Variants in ARHGAP10 observed in about 807,000 individuals in gnomAD.
ARHGAP10 encodes rho GTPase-activating protein 10.
Under a neutral mutation model 108.6 loss-of-function variants are expected in ARHGAP10, and 87 were observed. The observed-to-expected ratio is 0.80, with a 90% CI of 0.67 to 0.96. The LOEUF is 0.96. ARHGAP10 is among the 40% of genes least tolerant of loss of function. ARHGAP10 has a pLI of 0.00. For synonymous variants in ARHGAP10, 347 were observed against 341.1 expected (o/e 1.02, Z -0.19); for missense variants, 939 against 954.5 (o/e 0.98, Z 0.21).
chr4:148,031,071 C>A lies in ARHGAP10; in HGVS notation c.1867+7658C>A, dbSNP rs141324122. ...AAGACCCCATCTCCAACAACAACAACAAAAAAATGAATTTTGAGACTGGCA... is the reference window on the plus strand; with the variant it reads ...AAGACCCCATCTCCAACAACAACAAAAAAAAAATGAATTTTGAGACTGGCA... On this transcript the variant is annotated intron_variant, in intron 19 of 22. Coordinates refer to ENST00000336498, the MANE Select transcript of ARHGAP10 (RefSeq NM_024605.4). Among the ~76,000 whole-genome samples the A allele has an allele frequency of 2.2e-3, 341 of 151,912 alleles. 4 individuals are homozygous for A. Among genetic ancestry groups the A allele is most frequent in the African/African-American group, 7.0e-3 (290 of 41,404 alleles).
intron 22 of ARHGAP10, 59 bp from the exon 23 acceptor site, chr4:148,071,934 A>C: frequency 6.8e-7 from 1 of 1,460,316 alleles, no homozygotes; most frequent in Non-Finnish European, 9.5e-7. Context: ...TTAAGTGAAC[A>C]CCCAGGAGGC....
intron 10 of ARHGAP10, among the ~76,000 whole-genome samples, chr4:147,895,800 G>A (rs1017173164): frequency 3.9e-5 from 6 of 152,156 alleles, no homozygotes; most frequent in Non-Finnish European, 8.8e-5. Flanking sequence ...GGCAGAAGTG[G>A]TGTTATTGGC....
At chr4:147,785,618 A>G (rs1304864790) in intron 1 of ARHGAP10, among the ~76,000 whole-genome samples, 1 of 152,132 alleles carries the variant, frequency 6.6e-6, no homozygotes, top group Non-Finnish European at 1.5e-5. Flanking sequence ...CCCTCCCCCT[A>G]CAACATTATC....
intron 10 of ARHGAP10, among the ~76,000 whole-genome samples, chr4:147,892,902 C>T (rs1422590304): frequency 6.6e-6 from 1 of 152,144 alleles, no homozygotes; most frequent in Non-Finnish European, 1.5e-5. Flanking sequence ...GGGTAGAGGG[C>T]AGCTGTGCTG....
intron 1 of ARHGAP10, among the ~76,000 whole-genome samples, chr4:147,790,664 G>C (rs185081544): frequency 2.2e-4 from 34 of 152,280 alleles, no homozygotes; most frequent in African/African-American, 7.9e-4. Context: ...CTGAGCTAGA[G>C]TAGCCCACAT....
At chr4:147,768,771 C>T (rs1333226445) in intron 1 of ARHGAP10, among the ~76,000 whole-genome samples, 2 of 145,766 alleles carry the variant, frequency 1.4e-5, no homozygotes, top group Non-Finnish European at 3.0e-5. Context: ...GGGAATCTTG[C>T]TCTGTCACCC....
intron 18 of ARHGAP10, among the ~76,000 whole-genome samples, chr4:147,994,190 C>A (rs1714460564): frequency 6.6e-6 from 1 of 152,198 alleles, no homozygotes; most frequent in South Asian, 2.1e-4. Context: ...CATAGTGTTT[C>A]AGTCAACATT....
chr4:147,941,989 G>A lies in ARHGAP10; in HGVS notation c.1303+2090G>A, dbSNP rs149085816. Among the ~76,000 whole-genome samples, 564 of 152,194 alleles carry A rather than the reference G, an allele frequency of 3.7e-3. 2 individuals are homozygous for A. Among genetic ancestry groups the A allele is most frequent in the Middle Eastern group, 0.017 (5 of 294 alleles). Reference sequence around the variant, plus strand: ...ATTTAACGCCTCTTCCAAAAAAAGGGTTTTAGAGTTTTGAATAGTCATGTC... The same window carrying A: ...ATTTAACGCCTCTTCCAAAAAAAGGATTTTAGAGTTTTGAATAGTCATGTC... On this transcript the variant is annotated intron_variant, in intron 14 of 22. Coordinates refer to ENST00000336498, the MANE Select transcript of ARHGAP10 (RefSeq NM_024605.4).
intron 18 of ARHGAP10, among the ~76,000 whole-genome samples, chr4:148,008,816 G>A (rs1025249300): frequency 2.0e-5 from 3 of 152,024 alleles, no homozygotes; most frequent in African/African-American, 7.2e-5. Context: ...TTGTAGTGTG[G>A]TGTTTTCCAG....
intron 1 of ARHGAP10, among the ~76,000 whole-genome samples, chr4:147,736,736 CCTGGGGGAA>C: frequency 6.6e-6 from 1 of 152,282 alleles, no homozygotes; most frequent in East Asian, 1.9e-4. Context: ...AATAAAATCA[CCTGGGGGAA>C]CTGTTAAAGC....
At chr4:147,840,169 G>A (rs1411426325) in intron 3 of ARHGAP10, among the ~76,000 whole-genome samples, 2 of 151,966 alleles carry the variant, frequency 1.3e-5, no homozygotes, top group Non-Finnish European at 2.9e-5. Context: ...TATGTGGAGG[G>A]AGCTGGAGGT....
At chr4:147,967,651 G>GA (rs1346457928) in intron 18 of ARHGAP10, among the ~76,000 whole-genome samples, 1 of 152,176 alleles carries the variant, frequency 6.6e-6, no homozygotes, top group Non-Finnish European at 1.5e-5. Flanking sequence ...TTTTCTCCTT[G>GA]ATTAGATATT....
intron 3 of ARHGAP10, among the ~76,000 whole-genome samples, chr4:147,824,339 G>A (rs1732620005): frequency 6.6e-6 from 1 of 151,536 alleles, no homozygotes; most frequent in Admixed American, 6.6e-5. Context: ...AAAAAATACG[G>A]ATTCTTTTTT....
intron 19 of ARHGAP10, among the ~76,000 whole-genome samples, chr4:148,028,708 A>G (rs927385085): frequency 6.6e-6 from 1 of 152,226 alleles, no homozygotes; most frequent in Non-Finnish European, 1.5e-5. Context: ...TGCCAGTAGA[A>G]ATCTGAAAGG....
intron 20 of ARHGAP10, among the ~76,000 whole-genome samples, chr4:148,062,204 C>T (rs1560899173): frequency 6.6e-6 from 1 of 152,134 alleles, no homozygotes; most frequent in Non-Finnish European, 1.5e-5. Context: ...AGGATTGCAC[C>T]TAGGGGCTGG....
intron 18 of ARHGAP10, among the ~76,000 whole-genome samples, chr4:147,984,296 C>G (rs187149059): frequency 2.5e-4 from 38 of 152,318 alleles, no homozygotes; most frequent in African/African-American, 8.7e-4. Context: ...GGAGAAGCCC[C>G]AGGAAGCAGT....
chr4:147,857,908 CATAA>C (rs1440609720), intron 5 of ARHGAP10: 2 of 192,934 alleles, frequency 1.0e-5, no homozygotes, highest in African/African-American at 4.6e-5. Flanking sequence ...TTTATAGGAA[CATAA>C]CTTTAAACCA....
At chr4:147,805,700 A>G (rs1467029829) in intron 1 of ARHGAP10, among the ~76,000 whole-genome samples, 1 of 152,232 alleles carries the variant, frequency 6.6e-6, no homozygotes, top group Non-Finnish European at 1.5e-5. Flanking sequence ...CTATAATTCC[A>G]GCACTTTGGG....
intron 1 of ARHGAP10, among the ~76,000 whole-genome samples, chr4:147,805,711 A>G (rs1404937635): frequency 1.3e-5 from 2 of 152,194 alleles, no homozygotes; most frequent in African/African-American, 4.8e-5. Context: ...GCACTTTGGG[A>G]GGCTGAGGTA....
Sources: gnomAD v4.1 joint callset for allele counts (sites outside exome capture counted in the v4.1 genomes callset) on GRCh38, gnomAD v4.1.1 for gene constraint, MANE v1.5 for transcripts, NCBI Gene and HGNC (gene_info 2026-07-23, HGNC 2026-07-21) for gene names.